The following MYO16 variants were observed in gnomAD, a reference collection of about 807,000 sequenced individuals.
The protein encoded by MYO16 is unconventional myosin-XVI.
MYO16 carries 94 observed loss-of-function variants against 205.3 expected under a neutral mutation model. That is an observed-to-expected ratio of 0.46 (90% CI 0.39 to 0.54). The LOEUF is 0.54. Ranked by LOEUF, MYO16 falls within the 20% of genes least tolerant of loss-of-function variation. MYO16 has a pLI of 0.00. For missense variants in MYO16, 2,315 were observed against 2,387.5 expected (o/e 0.97, Z 0.63); for synonymous variants, 988 against 954.0 (o/e 1.04, Z -0.66).
intron 27 of MYO16, among the ~76,000 whole-genome samples, chr13:109,061,729 A>T (rs1327594525): frequency 6.6e-6 from 1 of 152,244 alleles, no homozygotes; most frequent in Non-Finnish European, 1.5e-5. Context: ...TATGACAGGC[A>T]TTACCCAATG....
intron 23 of MYO16, among the ~76,000 whole-genome samples, chr13:109,044,587 C>T (rs992080814): frequency 2.6e-5 from 4 of 152,004 alleles, no homozygotes; most frequent in African/African-American, 7.3e-5. Context: ...AAGAAATTAT[C>T]TCAACTTCCA....
At chr13:108,914,372 A>G (rs2139244512) in intron 16 of MYO16, among the ~76,000 whole-genome samples, 1 of 152,186 alleles carries the variant, frequency 6.6e-6, no homozygotes, top group South Asian at 2.1e-4. Flanking sequence ...CCTACATGTG[A>G]CCACATGAAC....
chr13:108,676,372 C>CGCGTGT (rs1555337822), intron 2 of MYO16, among the ~76,000 whole-genome samples: 10 of 131,672 alleles, frequency 7.6e-5, no homozygotes, highest in East Asian at 5.4e-4. Context: ...TATATGTACG[C>CGCGTGT]GTGTGTGTGT....
chr13:109,080,836 A>G (rs1162626171), intron 27 of MYO16, among the ~76,000 whole-genome samples: 3 of 152,302 alleles, frequency 2.0e-5, no homozygotes, highest in South Asian at 2.1e-4. Context: ...TTTTGCAGCA[A>G]CCATTACTTG....
At chr13:109,059,324 A>G (rs277838) in intron 27 of MYO16, among the ~76,000 whole-genome samples, 79,516 of 152,022 alleles carry the variant, frequency 0.52, 20,727 homozygotes, top group Middle Eastern at 0.56. Flanking sequence ...CTATTCTTAC[A>G]TAATTCCTCC....
chr13:108,894,376 A>G (rs966588326), intron 14 of MYO16, among the ~76,000 whole-genome samples: 3 of 152,176 alleles, frequency 2.0e-5, no homozygotes, highest in Admixed American at 1.3e-4. Context: ...CCTGTGGTTG[A>G]TAATAATGGC....
the MYO16 span, among the ~76,000 whole-genome samples, chr13:108,577,999 G>C: frequency 2.0e-5 from 3 of 152,062 alleles, no homozygotes; most frequent in African/African-American, 7.2e-5. Context: ...AGTATATATT[G>C]TGTGCTCCTC....
chr13:108,828,694 T>C (rs539025617), intron 9 of MYO16, among the ~76,000 whole-genome samples: 14 of 152,160 alleles, frequency 9.2e-5, no homozygotes, highest in South Asian at 8.3e-4. Context: ...CAGCCCAACC[T>C]CCAGGAGGAG....
chr13:108,765,845 A>G (rs1885761155), intron 4 of MYO16, among the ~76,000 whole-genome samples: 1 of 152,066 alleles, frequency 6.6e-6, no homozygotes, highest in African/African-American at 2.4e-5. Context: ...ATCACTATTT[A>G]TGTTTCCTGA....
At chr13:109,202,695 G>GA (rs1195589303) in intron 34 of MYO16, among the ~76,000 whole-genome samples, 2 of 152,052 alleles carry the variant, frequency 1.3e-5, no homozygotes, top group Non-Finnish European at 2.9e-5. Context: ...CACAGAACTA[G>GA]AAAAAGCAAT....
At chr13:109,161,667 C>T (rs1878393096) in intron 32 of MYO16, among the ~76,000 whole-genome samples, 1 of 151,996 alleles carries the variant, frequency 6.6e-6, no homozygotes, top group South Asian at 2.1e-4. Context: ...TTATTCCCAT[C>T]CAGAGCCAGG....
chr13:108,853,788 GT>G (rs1201640132), intron 10 of MYO16, among the ~76,000 whole-genome samples: 1 of 151,816 alleles, frequency 6.6e-6, no homozygotes, highest in Non-Finnish European at 1.5e-5. Flanking sequence ...TTACAAATTA[GT>G]TTTTAATAAG....
intron 23 of MYO16, among the ~76,000 whole-genome samples, chr13:109,022,517 TG>T (rs1185570670): frequency 0.14 from 65 of 458 alleles, 1 homozygote; most frequent in African/African-American, 0.17. Context: ...TGTATATATT[TG>T]TTATATATAC....
At chr13:108,850,094 C>T (rs1877772761) in intron 10 of MYO16, among the ~76,000 whole-genome samples, 1 of 149,756 alleles carries the variant, frequency 6.7e-6, no homozygotes, top group Non-Finnish European at 1.5e-5. Context: ...CCTAGACTGC[C>T]TTCCTCCAAA....
chr13:108,820,274 C>T (rs977909554), intron 7 of MYO16, 63 bp from the exon 8 acceptor site: 1 of 1,220,086 alleles, frequency 8.2e-7, no homozygotes, highest in African/African-American at 1.5e-5. Flanking sequence ...CAGTGTATGA[C>T]TTACTGATGT....
chr13:108,525,168 A>C, the MYO16 span, among the ~76,000 whole-genome samples: 1 of 152,218 alleles, frequency 6.6e-6, no homozygotes, highest in Non-Finnish European at 1.5e-5. Flanking sequence ...ATAACGTGTG[A>C]TGAGTGCTTA....
At chr13:108,776,464 G>A (rs186151472) in intron 4 of MYO16, among the ~76,000 whole-genome samples, 40 of 152,208 alleles carry the variant, frequency 2.6e-4, no homozygotes, top group Admixed American at 2.3e-3. Context: ...AATGAATGGC[G>A]GATGGCGGCT....
intron 16 of MYO16, among the ~76,000 whole-genome samples, chr13:108,939,999 C>G (rs1382764603): frequency 6.6e-6 from 1 of 152,116 alleles, no homozygotes; most frequent in African/African-American, 2.4e-5. Context: ...GTAAACAGAA[C>G]AACATGCAAT....
chr13:108,873,803 C>T (rs1481047391), intron 12 of MYO16, among the ~76,000 whole-genome samples: 1 of 151,904 alleles, frequency 6.6e-6, no homozygotes, highest in African/African-American at 2.4e-5. Flanking sequence ...AGGGTCCATG[C>T]CAACCAACCA....
Sources: allele counts gnomAD v4.1 joint callset (sites outside exome capture counted in the v4.1 genomes callset), GRCh38; gene constraint gnomAD v4.1.1; transcripts MANE v1.5; gene names NCBI Gene and HGNC (gene_info 2026-07-23, HGNC 2026-07-21).